TTLL12: variants seen among roughly 807,000 people sequenced by gnomAD.
The protein encoded by TTLL12 is tubulin tyrosine ligase like 12, also known as tubulin--tyrosine ligase-like protein 12.
TTLL12 carries 77 observed loss-of-function variants against 79.6 expected under a neutral mutation model. The observed-to-expected ratio is 0.97, with a 90% CI of 0.81 to 1.17. TTLL12 has a LOEUF of 1.17. Ranked by LOEUF, TTLL12 falls within the 50% of genes most tolerant of loss-of-function variation. TTLL12 has a pLI of 0.00. For synonymous variants in TTLL12, 437 were observed against 376.1 expected (o/e 1.16, Z -1.87); for missense variants, 969 against 895.9 (o/e 1.08, Z -1.04).
intron 2 of TTLL12, among the ~76,000 whole-genome samples, chr22:43,182,503 G>A (rs1410286646): frequency 3.3e-5 from 5 of 152,194 alleles, no homozygotes; most frequent in Non-Finnish European, 7.4e-5. Context: ...CTGGGGGCAG[G>A]AAGCCTGGGG....
intron 1 of TTLL12, 140 bp downstream of exon 1, chr22:43,186,753 C>T: frequency 3.4e-6 from 3 of 877,478 alleles, no homozygotes; most frequent in East Asian, 3.8e-5. Flanking sequence ...CTCCACGCCG[C>T]TCCAGAGCTG....
chr22:43,168,732 GCGC>G, intron 13 of TTLL12, 39 bp downstream of exon 13: 1 of 1,544,370 alleles, frequency 6.5e-7, no homozygotes. Flanking sequence ...GGCGGAGGGG[GCGC>G]CTGCTGGTTT....
chr22:43,185,889 G>A (rs1186206481), intron 1 of TTLL12: 4 of 915,156 alleles, frequency 4.4e-6, no homozygotes, highest in East Asian at 1.2e-4. Flanking sequence ...AGTGGTCCTC[G>A]GAAAGCATAT....
chr22:43,179,496 C>T (rs1234476481), intron 5 of TTLL12, 123 bp downstream of exon 5: 7 of 1,351,796 alleles, frequency 5.2e-6, no homozygotes, highest in Non-Finnish European at 5.8e-6. Context: ...AACTCTATGC[C>T]TCCCACGGTA....
Position 43,167,022 on chromosome 22 carries a change from A to G in TTLL12, c.*986T>C. On this transcript the variant is annotated 3_prime_UTR_variant, in exon 14 of 14. Transcript: ENST00000216129. ...ACGCTGGCAGCTGACTCCTAATTTCAGAAACACAATTAGAAAAGAACTGGA... is the reference window on the plus strand; with the variant it reads ...ACGCTGGCAGCTGACTCCTAATTTCGGAAACACAATTAGAAAAGAACTGGA... The G allele has an allele frequency of 3.0e-6, 1 of 327,884 alleles. No homozygotes were observed. Among genetic ancestry groups the G allele is most frequent in the South Asian group, 2.5e-5 (1 of 40,088 alleles). 20.3% of individuals were successfully genotyped at this position (327,884 alleles called of 1,614,324 possible).
At chr22:43,183,192 C>T in intron 1 of TTLL12, 43 bp from the exon 2 acceptor site, 2 of 1,607,082 alleles carry the variant, frequency 1.2e-6, no homozygotes, top group South Asian at 1.1e-5. Context: ...GGGCAGGAGA[C>T]CCCACCCCAA....
At chr22:43,184,380 G>C (rs1255914899) in intron 1 of TTLL12, among the ~76,000 whole-genome samples, 1 of 152,258 alleles carries the variant, frequency 6.6e-6, no homozygotes, top group Non-Finnish European at 1.5e-5. Flanking sequence ...CCACCTAAGA[G>C]TATCAGGTAA....
chr22:43,178,345 G>A (rs1446816996), intron 5 of TTLL12, among the ~76,000 whole-genome samples: 19 of 145,352 alleles, frequency 1.3e-4, no homozygotes, highest in Non-Finnish European at 2.1e-4. Flanking sequence ...TTTTTGAGAC[G>A]GAGTCTCGCT....
At chr22:43,172,776 C>A (rs1384569769) in intron 9 of TTLL12, among the ~76,000 whole-genome samples, 2 of 151,840 alleles carry the variant, frequency 1.3e-5, no homozygotes, top group Non-Finnish European at 2.9e-5. Context: ...TGGCTCACTG[C>A]AACCTCTGCC....
In TTLL12 at chr22:43,179,714, G is replaced by C; in HGVS notation, c.745C>G (p.Pro249Ala). ...TRDFAYGETD[P>A]LIRKCMLLPW... ...AGCAGCATGCACTTCCGGATCAGGG[G>C]GTCCGTCTCTCCGTAGGCAAAGTCT... Residue 249 changes from proline to alanine, a missense_variant, in exon 5 of 14, where the codon CCC (proline) becomes GCC (alanine). Physicochemically the swap from Pro to Ala is conservative, Grantham distance 27. Transcript: ENST00000216129. The C allele has an allele frequency of 6.4e-7, 1 of 1,566,116 alleles. No homozygotes were observed. The highest frequency in any genetic ancestry group is 8.7e-7 in the Non-Finnish European group (1 of 1,155,958).
rs777433475 is a variant in TTLL12, at chr22:43,174,456, A to AGG, written c.1034+42_1034+43insCC. 1.9e-6 allele frequency: 3 copies of AGG among 1,576,576 alleles called. No individual in the cohort carries two copies. In the South Asian group the frequency reaches 3.5e-5, roughly 18 times the overall value. On this transcript the variant is annotated intron_variant, in intron 7 of 13. Transcript: ENST00000216129. ...TCAAGGGGAGGCCGGCAGTGCCTAG[A>AGG]AGCCCTGACTGGGAGGGCCCCTGCG...
chr22:43,175,878 G>A (rs1252220444), intron 6 of TTLL12, among the ~76,000 whole-genome samples: 1 of 147,916 alleles, frequency 6.8e-6, no homozygotes, highest in African/African-American at 2.5e-5. Flanking sequence ...AGTAGAGACG[G>A]GCTTTCACCA....
chr22:43,168,925 G>A lies in TTLL12; in HGVS notation c.1645-13C>T, dbSNP rs762493566. ...GGAAGATCTCAGCCTGGGGACCGGG[G>A]AGCCTGAGTTACGAGGCCTGCTCAG... On this transcript the variant is annotated splice_polypyrimidine_tract_variant and intron_variant, in intron 12 of 13. Coordinates refer to ENST00000216129, the MANE Select transcript of TTLL12 (RefSeq NM_015140.4). 6 of 1,606,094 alleles carry A rather than the reference G, an allele frequency of 3.7e-6. No homozygotes were observed. The highest frequency in any genetic ancestry group is 5.1e-6 in the Non-Finnish European group (6 of 1,176,366).
rs561860396 is a variant in TTLL12, at chr22:43,186,769, G to A, written c.177+124C>T. On this transcript the variant is annotated intron_variant, in intron 1 of 13. Transcript: ENST00000216129. ...TCCACGCCGCTCCAGAGCTGCCCAG[G>A]ACGCGCTCTGGGTGGCTCACCGCGG... 5.1e-6 allele frequency: 5 copies of A among 988,366 alleles called. No homozygotes were observed. The African/African-American group carries it at 6.8e-5, about 13-fold the overall frequency. The allele number at this position is 988,366 out of a possible 1,614,324, so 61.2% of individuals were successfully genotyped here. A position where few individuals can be genotyped will look rare whatever the true frequency, so the allele number is the denominator to read the frequency against.
chr22:43,167,482 C>T lies in TTLL12; in HGVS notation c.*526G>A, dbSNP rs986754395. Reference sequence around the variant, plus strand: ...TCCTGGGCCCCTGTCGCATAGAGCCCTGTGGGTGCAGTGTGGGGCCCCACA... The same window carrying T: ...TCCTGGGCCCCTGTCGCATAGAGCCTTGTGGGTGCAGTGTGGGGCCCCACA... On this transcript the variant is annotated 3_prime_UTR_variant, in exon 14 of 14. Coordinates refer to ENST00000216129, the MANE Select transcript of TTLL12 (RefSeq NM_015140.4). The T allele has an allele frequency of 3.9e-6, 1 of 254,758 alleles. No individual in the cohort carries two copies. Among genetic ancestry groups the T allele is most frequent in the Non-Finnish European group, 7.9e-6 (1 of 127,326 alleles). 15.8% of individuals were successfully genotyped at this position (254,758 alleles called of 1,614,324 possible).
chr22:43,181,012 C>T (rs1932043487), intron 2 of TTLL12, 72 bp from the exon 3 acceptor site: 2 of 1,506,184 alleles, frequency 1.3e-6, no homozygotes, highest in Admixed American at 1.9e-5. Flanking sequence ...GAGCAAGAGG[C>T]CCAGGGCTGT....
intron 11 of TTLL12, 118 bp from the exon 12 acceptor site, chr22:43,169,686 G>T: frequency 1.9e-6 from 2 of 1,066,928 alleles, no homozygotes; most frequent in Non-Finnish European, 2.8e-6. Flanking sequence ...CCAGGAGCAG[G>T]CAGCCAACCC....
intron 11 of TTLL12, chr22:43,170,420 G>C (rs1304353181): frequency 1.8e-5 from 3 of 162,956 alleles, no homozygotes; most frequent in Admixed American, 5.7e-5. Context: ...CCTCCTAGAG[G>C]ACTCCTCGGA....
At position 43,179,821 on chromosome 22, in the gene TTLL12, C is replaced by T. The variant is rs770902578; in HGVS notation, c.706+20G>A. The T allele has an allele frequency of 5.1e-5, 79 of 1,560,500 alleles. No individual in the cohort carries two copies. Among genetic ancestry groups the T allele is most frequent in the South Asian group, 1.2e-4 (10 of 85,206 alleles). On this transcript the variant is annotated intron_variant, in intron 4 of 13. Coordinates refer to ENST00000216129, the MANE Select transcript of TTLL12 (RefSeq NM_015140.4). Reference sequence around the variant, plus strand: ...CTGGGCTGAGGCCCCTCCTCCAGGGCGGGCAGGTGCTGGACTTACCGCCAG... The same window carrying T: ...CTGGGCTGAGGCCCCTCCTCCAGGGTGGGCAGGTGCTGGACTTACCGCCAG...
Sources: allele counts gnomAD v4.1 joint callset (sites outside exome capture counted in the v4.1 genomes callset), GRCh38; gene constraint gnomAD v4.1.1; transcripts MANE v1.5; gene names NCBI Gene and HGNC (gene_info 2026-07-23, HGNC 2026-07-21).